The following OLFML2A variants were observed in gnomAD, a reference collection of about 807,000 sequenced individuals.
OLFML2A encodes the protein olfactomedin-like protein 2A.
In OLFML2A, 47 loss-of-function variants were observed where a neutral mutation model predicts 60.9. That is an observed-to-expected ratio of 0.77 (90% CI 0.61 to 0.98). The LOEUF is 0.98. OLFML2A is among the 50% of genes least tolerant of loss of function. OLFML2A has a pLI of 0.00. For missense variants in OLFML2A, 922 were observed against 879.8 expected (o/e 1.05, Z -0.61); for synonymous variants, 372 against 375.0 (o/e 0.99, Z 0.09).
intron 1 of OLFML2A, among the ~76,000 whole-genome samples, chr9:124,778,364 AAAAAAAAG>A (rs967886822): frequency 6.7e-6 from 1 of 150,218 alleles, no homozygotes; most frequent in Non-Finnish European, 1.5e-5. Flanking sequence ...CCGTGTCAAA[AAAAAAAAG>A]AAAAAAAAAA....
chr9:124,800,849 A>C (rs1475505938), intron 4 of OLFML2A: 2 of 1,433,220 alleles, frequency 1.4e-6, no homozygotes, highest in Non-Finnish European at 1.8e-6. Flanking sequence ...AGTGAAAATA[A>C]CAAAACACAA....
chr9:124,782,844 C>A (rs956525608), intron 1 of OLFML2A, among the ~76,000 whole-genome samples: 1 of 152,048 alleles, frequency 6.6e-6, no homozygotes, highest in African/African-American at 2.4e-5. Flanking sequence ...ATGGGTGAGT[C>A]CCCAGGAGGA....
At chr9:124,797,335 C>T (rs1490819905) in intron 3 of OLFML2A, among the ~76,000 whole-genome samples, 2 of 152,188 alleles carry the variant, frequency 1.3e-5, no homozygotes, top group East Asian at 1.9e-4. Context: ...TTGGTCCTCA[C>T]AGTGACCCTG....
chr9:124,804,106 AG>A lies in OLFML2A; in HGVS notation c.935del (p.Gly312AlafsTer95). ...VTEAVADNTLQGTSWLEQLPP... is the reference protein window; with the variant it reads ...VTEAVADNTLXGTSWLEQLPP... Reference sequence around the variant, plus strand: ...CTTCTCTCTGCAGACAACACCCTCCAGGGCACTTCCTGGCTGGAGCAACTGC... The same window carrying A: ...CTTCTCTCTGCAGACAACACCCTCCAGGCACTTCCTGGCTGGAGCAACTGC... On this transcript the variant is annotated frameshift_variant, in exon 6 of 8. Transcript: ENST00000373580. LOFTEE classifies it high-confidence loss of function. 1 of 1,614,134 alleles carries A rather than the reference AG, an allele frequency of 6.2e-7. No individual in the cohort carries two copies.
chr9:124,802,218 A>T (rs762478617), intron 5 of OLFML2A, among the ~76,000 whole-genome samples: 1 of 152,180 alleles, frequency 6.6e-6, no homozygotes, highest in Non-Finnish European at 1.5e-5. Flanking sequence ...TGACAAAGTA[A>T]TTGGCAAACA....
chr9:124,777,447 C>G lies in OLFML2A; in HGVS notation c.90+87C>G, dbSNP rs1841279106. ...GCTGGGGTGCGGCCCGGGAGGGAGC[C>G]CGGGGCCAGGGCGGAGGAGCCGGGA... is the stretch of plus-strand genomic sequence containing the variant. On this transcript the variant is annotated intron_variant, in intron 1 of 7. Transcript: ENST00000373580. This position sits in a 1 kb window ranked among gnomAD's most constrained non-coding sequence, Gnocchi z 6.2. The G allele has an allele frequency of 6.7e-6, 8 of 1,186,532 alleles. No homozygotes were observed. Among genetic ancestry groups the G allele is most frequent in the Middle Eastern group, 3.3e-4 (1 of 3,054 alleles). The allele number at this position is 1,186,532 out of a possible 1,614,324, so 73.5% of individuals were successfully genotyped here.
At chr9:124,782,612 C>T (rs537466530) in intron 1 of OLFML2A, among the ~76,000 whole-genome samples, 39 of 152,316 alleles carry the variant, frequency 2.6e-4, no homozygotes, top group African/African-American at 9.1e-4. Context: ...CCCCCTGGCG[C>T]TCTGCTGCCC....
rs543403812 is a variant in OLFML2A at position 124,787,173 on chromosome 9, C to G, written c.289C>G (p.Leu97Val). The G allele has an allele frequency of 6.2e-7, 1 of 1,614,216 alleles. No homozygotes were observed. Among genetic ancestry groups the G allele is most frequent in the East Asian group, 2.2e-5 (1 of 44,886 alleles). Residue 97 changes from leucine (L) to valine (V), a missense_variant, in exon 2 of 8, where the codon CTC becomes GTC. Transcript: ENST00000373580. ...CTCCTGTACCGCACCTCCCTCCTCT[C>G]TCAACCCCTGTGAGAACGAGTGGAA... ...RCSCTAPPSS[L>V]NPCENEWKME...
chr9:124,779,637 G>A lies in OLFML2A; in HGVS notation c.90+2277G>A, dbSNP rs1287346018. ...GAGCTTGCAGGATGAACAGCTGGGG[G>A]ACTCAGCACAGCCCTCCCCCAGACA... On this transcript the variant is annotated intron_variant, in intron 1 of 7. Transcript: ENST00000373580. The surrounding 1 kb of genome is among the most constrained non-coding windows in gnomAD (Gnocchi z 4.1). Among the ~76,000 whole-genome samples the A allele has an allele frequency of 6.6e-6, 1 of 152,010 alleles. No individual in the cohort carries two copies. Among genetic ancestry groups the A allele is most frequent in the African/African-American group, 2.4e-5 (1 of 41,370 alleles).
intron 2 of OLFML2A, among the ~76,000 whole-genome samples, chr9:124,791,054 C>T (rs1205329606): frequency 2.0e-5 from 3 of 152,178 alleles, no homozygotes; most frequent in Non-Finnish European, 4.4e-5. Context: ...TTGATGGGAC[C>T]AGACATGGCT....
Position 124,814,400 on chromosome 9 carries a change from A to G in OLFML2A, c.*3988A>G, listed in dbSNP as rs1842078251. ...GGTAGGGCTGTGAACTCCCTCTTAC[A>G]GCTAAGAACATGCAGCTTAGTGAGG... is the stretch of plus-strand genomic sequence containing the variant. On this transcript the variant is annotated 3_prime_UTR_variant, in exon 8 of 8. Transcript: ENST00000373580. 1 of 152,164 alleles carries G rather than the reference A, an allele frequency of 6.6e-6. No homozygotes were observed. The highest frequency in any genetic ancestry group is 2.1e-4 in the South Asian group (1 of 4,828). The allele number at this position is 152,164 out of a possible 1,614,324, so 9.4% of individuals were successfully genotyped here.
chr9:124,793,164 T>A (rs533921467), intron 2 of OLFML2A, among the ~76,000 whole-genome samples: 1 of 152,282 alleles, frequency 6.6e-6, no homozygotes, highest in South Asian at 2.1e-4. Flanking sequence ...GCCGGAGGGC[T>A]CAGGGTGGGG....
chr9:124,794,898 AG>A, intron 2 of OLFML2A, 125 bp from the exon 3 acceptor site: 1 of 581,456 alleles, frequency 1.7e-6, no homozygotes. Flanking sequence ...CTGGGATTAC[AG>A]GCGTGAGCCA....
At chr9:124,795,530 G>C (rs149467643) in intron 3 of OLFML2A, among the ~76,000 whole-genome samples, 10 of 152,348 alleles carry the variant, frequency 6.6e-5, no homozygotes, top group African/African-American at 2.2e-4. Flanking sequence ...TGTAATCCCA[G>C]CACTTTGGGA....
At chr9:124,808,199 C>T (rs187176619) in intron 7 of OLFML2A, among the ~76,000 whole-genome samples, 75 of 152,350 alleles carry the variant, frequency 4.9e-4, no homozygotes, top group African/African-American at 1.6e-3. Flanking sequence ...CAGAATGCAG[C>T]GGCAAACAAG....
At position 124,779,547 on chromosome 9, in the gene OLFML2A, TGG is replaced by T. The variant is rs33992732; in HGVS notation, c.90+2196_90+2197del. On this transcript the variant is annotated intron_variant, in intron 1 of 7. Transcript: ENST00000373580. The surrounding 1 kb of genome is among the most constrained non-coding windows in gnomAD (Gnocchi z 4.1). Reference sequence around the variant, plus strand: ...CTTGCTAGGTTGTGTGTGTGTGTGGTGGGGGGGGGGTGTTTAGCTGTCCCAGG... The same window carrying T: ...CTTGCTAGGTTGTGTGTGTGTGTGGTGGGGGGGGTGTTTAGCTGTCCCAGG... 1.3e-4 allele frequency among the ~76,000 whole-genome samples: 17 copies of T among 133,250 alleles called. No homozygotes were observed. Among genetic ancestry groups the T allele is most frequent in the East Asian group, 4.3e-4 (2 of 4,692 alleles). The allele number at this position is 133,250 out of a possible 152,430, so 87.4% of individuals were successfully genotyped here. A position where few individuals can be genotyped will look rare whatever the true frequency, so the allele number is the denominator to read the frequency against.
chr9:124,777,343 A>G lies in OLFML2A; in HGVS notation c.73A>G (p.Thr25Ala), dbSNP rs116569085. Residue 25 changes from threonine (T) to alanine (A), a missense_variant, in exon 1 of 8, where the codon ACG becomes GCG. Physicochemically the swap from Thr to Ala is moderately conservative, Grantham distance 58. Coordinates refer to ENST00000373580, the MANE Select transcript of OLFML2A (RefSeq NM_182487.4). This position sits in a 1 kb window ranked among gnomAD's most constrained non-coding sequence, Gnocchi z 6.2. ...PLVLLLSGRP[T>A]RADSKVFGDL... ...AGTGCTGCTGCTGAGCGGCCGCCCC[A>G]CGCGCGCCGACAGTAAGGTACGCAC... is the stretch of plus-strand genomic sequence containing the variant. 6,100 of 1,288,256 alleles carry G rather than the reference A, an allele frequency of 4.7e-3. 196 individuals carry two copies. In the African/African-American group the frequency reaches 0.073, roughly 15 times the overall value. 79.8% of individuals were successfully genotyped at this position (1,288,256 alleles called of 1,614,324 possible). A position where few individuals can be genotyped will look rare whatever the true frequency, so the allele number is the denominator to read the frequency against.
rs1263887787 is a variant in OLFML2A at position 124,783,207 on chromosome 9, C to T, written c.91-3768C>T. 2.6e-5 allele frequency among the ~76,000 whole-genome samples: 4 copies of T among 152,152 alleles called. No homozygotes were observed. The South Asian group carries it at 6.2e-4, about 24-fold the overall frequency. ...AGCAGTGGGGGCAGGCATGGTAGCT[C>T]ACGCCTGTAATCCCAGCTTTTTGGG... On this transcript the variant is annotated intron_variant, in intron 1 of 7. Transcript: ENST00000373580.
Position 124,813,996 on chromosome 9 carries a change from A to G in OLFML2A, c.*3584A>G, listed in dbSNP as rs1842070602. The G allele has an allele frequency of 6.6e-6, 1 of 152,264 alleles. No homozygotes were observed. The highest frequency in any genetic ancestry group is 1.5e-5 in the Non-Finnish European group (1 of 68,088). The allele number at this position is 152,264 out of a possible 1,614,324, so 9.4% of individuals were successfully genotyped here. A position where few individuals can be genotyped will look rare whatever the true frequency, so the allele number is the denominator to read the frequency against. ...CTCGTCTACAAAGGCAAAGGAAGGC[A>G]AAGGAAGCTGTCTCGGGTGTTTCTG... is the stretch of plus-strand genomic sequence containing the variant. On this transcript the variant is annotated 3_prime_UTR_variant, in exon 8 of 8. Coordinates refer to ENST00000373580, the MANE Select transcript of OLFML2A (RefSeq NM_182487.4).
Sources: gnomAD v4.1 joint callset for allele counts (sites outside exome capture counted in the v4.1 genomes callset) on GRCh38, gnomAD v4.1.1 for gene constraint, Gnocchi (gnomAD v3.1) non-coding constraint, MANE v1.5 for transcripts, NCBI Gene and HGNC (gene_info 2026-07-23, HGNC 2026-07-21) for gene names.